The following C8orf34 variants were observed in gnomAD, a reference collection of about 807,000 sequenced individuals.
C8orf34 encodes the protein chromosome 8 open reading frame 34, also known as uncharacterized protein C8orf34.
In C8orf34, 65 loss-of-function variants were observed where a neutral mutation model predicts 68.3. The observed-to-expected ratio is 0.95, with a 90% CI of 0.78 to 1.17. The LOEUF is 1.17. C8orf34 is among the 50% of genes most tolerant of loss of function. The pLI is 0.00. For synonymous variants in C8orf34, 244 were observed against 241.2 expected, an observed-to-expected ratio of 1.01 and a Z score of -0.11; for missense variants, 664 against 655.4, an observed-to-expected ratio of 1.01 and a Z score of -0.14.
chr8:68,691,820 C>T (rs1820694360), intron 8 of C8orf34, among the ~76,000 whole-genome samples: 1 of 151,964 alleles, frequency 6.6e-6, no homozygotes, highest in Admixed American at 6.6e-5. Context: ...CTTATCCTTC[C>T]TAAACCAACA....
intron 1 of C8orf34, among the ~76,000 whole-genome samples, chr8:68,361,056 C>G: frequency 6.6e-6 from 1 of 152,046 alleles, no homozygotes; most frequent in Non-Finnish European, 1.5e-5. Flanking sequence ...CATCCGGCCT[C>G]CCCTTTTTTC....
intron 1 of C8orf34, among the ~76,000 whole-genome samples, chr8:68,437,713 T>C (rs1437080071): frequency 6.6e-6 from 1 of 152,174 alleles, no homozygotes; most frequent in Non-Finnish European, 1.5e-5. Flanking sequence ...GTTTGCTTAC[T>C]TGTTTTTCAG....
intron 3 of C8orf34, among the ~76,000 whole-genome samples, chr8:68,458,679 G>T (rs1460119096): frequency 6.6e-6 from 1 of 152,130 alleles, no homozygotes; most frequent in East Asian, 1.9e-4. Context: ...CTTAAACCTA[G>T]GTTCCTCCAT....
At chr8:68,518,143 A>G (rs1041305988) in intron 5 of C8orf34, among the ~76,000 whole-genome samples, 57 of 152,226 alleles carry the variant, frequency 3.7e-4, no homozygotes, top group African/African-American at 1.3e-3. Context: ...GCATCACCCA[A>G]TATACCCATG....
chr8:68,359,994 A>G lies in C8orf34; in HGVS notation c.327+28655A>G, dbSNP rs59670612. Among the ~76,000 whole-genome samples the G allele has an allele frequency of 8.1e-3, 1,234 of 152,300 alleles. 41 individuals carry two copies. In the East Asian group the frequency reaches 0.1, roughly 13 times the overall value. On this transcript the variant is annotated intron_variant, in intron 1 of 13. Coordinates refer to ENST00000518698, the MANE Select transcript of C8orf34 (RefSeq NM_052958.4). ...ATAGTATTTGAAGGACATTTCATGGAGGTGATCTTATAGGTACCCAAAACT... is the reference window on the plus strand; with the variant it reads ...ATAGTATTTGAAGGACATTTCATGGGGGTGATCTTATAGGTACCCAAAACT...
At chr8:68,661,288 GA>G (rs1265579671) in intron 8 of C8orf34, among the ~76,000 whole-genome samples, 2 of 152,210 alleles carry the variant, frequency 1.3e-5, no homozygotes, top group Non-Finnish European at 2.9e-5. Context: ...TTTGTTTTCA[GA>G]AAAAGTCTGA....
intron 10 of C8orf34, among the ~76,000 whole-genome samples, chr8:68,771,497 C>T (rs139079545): frequency 3.3e-5 from 5 of 152,178 alleles, no homozygotes; most frequent in African/African-American, 4.8e-5. Context: ...CATTTCAGTG[C>T]GTGGTATAAT....
intron 8 of C8orf34, among the ~76,000 whole-genome samples, chr8:68,695,248 C>T (rs987864783): frequency 6.6e-6 from 1 of 151,436 alleles, no homozygotes; most frequent in African/African-American, 2.4e-5. Flanking sequence ...CTGGATTCAA[C>T]CGATTCTCCT....
At chr8:68,403,547 C>G (rs572161514) in intron 1 of C8orf34, among the ~76,000 whole-genome samples, 1 of 152,186 alleles carries the variant, frequency 6.6e-6, no homozygotes, top group Admixed American at 6.5e-5. Flanking sequence ...CCCCCACCCC[C>G]TGACAGGCCT....
chr8:68,457,102 G>A lies in C8orf34; in HGVS notation c.607+10642G>A, dbSNP rs564886368. On this transcript the variant is annotated intron_variant, in intron 3 of 13. Transcript: ENST00000518698. Reference sequence around the variant, plus strand: ...AACCAAAAATTGATATCAACTCTCAGTTGTTTTGTTTATGCTCCTGCATTT... The same window carrying A: ...AACCAAAAATTGATATCAACTCTCAATTGTTTTGTTTATGCTCCTGCATTT... Among the ~76,000 whole-genome samples, 45 of 152,222 alleles carry A rather than the reference G, an allele frequency of 3.0e-4. 1 individual carries two copies. The South Asian group carries it at 9.3e-3, about 32-fold the overall frequency.
intron 7 of C8orf34, among the ~76,000 whole-genome samples, chr8:68,634,153 AT>A (rs1211422964): frequency 6.6e-6 from 1 of 152,198 alleles, no homozygotes; most frequent in African/African-American, 2.4e-5. Flanking sequence ...TCTGTACAGA[AT>A]TCTCTCTGTC....
At chr8:68,387,990 C>T (rs76457893) in intron 1 of C8orf34, among the ~76,000 whole-genome samples, 2 of 152,158 alleles carry the variant, frequency 1.3e-5, no homozygotes, top group Non-Finnish European at 2.9e-5. Context: ...TACTGATTAG[C>T]ACTGAGTGTG....
In C8orf34 at chr8:68,723,321, A is replaced by G. The variant is rs538389804; in HGVS notation, c.1404+1884A>G. Reference sequence around the variant, plus strand: ...GAGACTTAAATTTTTAAGTCAAAGCATAGTCCATTCTTTTAACCAATGCTT... The same window carrying G: ...GAGACTTAAATTTTTAAGTCAAAGCGTAGTCCATTCTTTTAACCAATGCTT... On this transcript the variant is annotated intron_variant, in intron 10 of 13. Transcript: ENST00000518698. Among the ~76,000 whole-genome samples, 7 of 152,214 alleles carry G rather than the reference A, an allele frequency of 4.6e-5. No individual in the cohort carries two copies. The South Asian group carries it at 1.4e-3, about 32-fold the overall frequency.
At chr8:68,813,890 T>A (rs1410267348) in intron 12 of C8orf34, among the ~76,000 whole-genome samples, 2 of 152,300 alleles carry the variant, frequency 1.3e-5, no homozygotes, top group East Asian at 3.9e-4. Context: ...CCATTATAAT[T>A]CCTTGCTTCT....
intron 7 of C8orf34, among the ~76,000 whole-genome samples, chr8:68,630,477 C>T (rs1034834470): frequency 2.0e-5 from 3 of 152,054 alleles, no homozygotes; most frequent in African/African-American, 7.2e-5. Flanking sequence ...TTCAACAGTA[C>T]AGTTCTACAG....
chr8:68,468,791 T>G lies in C8orf34; in HGVS notation c.707T>G (p.Leu236Arg). The part of the protein sequence containing the change: ...LNHILQESKK[L>R]GKALENLSRS... ...CACATCCTTCAGGAGAGCAAGAAGC[T>G]GGGGAAAGCCCTTGAGAATCTCTCT... The change falls in exon 4 of 14, where the codon CTG becomes CGG. Residue 236 changes from leucine to arginine, a missense_variant. Physicochemically the swap from Leu to Arg is moderately radical, Grantham distance 102. Transcript: ENST00000518698. 6.2e-7 allele frequency: 1 copy of G among 1,612,010 alleles called. No individual in the cohort carries two copies. Among genetic ancestry groups the G allele is most frequent in the South Asian group, 1.1e-5 (1 of 90,826 alleles).
intron 8 of C8orf34, among the ~76,000 whole-genome samples, chr8:68,683,495 G>A (rs545075445): frequency 3.7e-4 from 57 of 152,016 alleles, no homozygotes; most frequent in African/African-American, 1.1e-3. Flanking sequence ...AGGGTTGGTG[G>A]GGGTGTAACT....
intron 7 of C8orf34, among the ~76,000 whole-genome samples, chr8:68,539,119 G>A (rs138517185): frequency 2.9e-3 from 444 of 152,264 alleles, no homozygotes; most frequent in African/African-American, 9.6e-3. Flanking sequence ...AATTCACTGT[G>A]TAAACAAACC....
At chr8:68,550,415 C>A (rs1357819369) in intron 7 of C8orf34, among the ~76,000 whole-genome samples, 1 of 151,710 alleles carries the variant, frequency 6.6e-6, no homozygotes. Flanking sequence ...TGTATTATTG[C>A]CATCATTTAC....
Sources: allele counts gnomAD v4.1 joint callset (sites outside exome capture counted in the v4.1 genomes callset), GRCh38; gene constraint gnomAD v4.1.1; transcripts MANE v1.5; gene names NCBI Gene and HGNC (gene_info 2026-07-23, HGNC 2026-07-21).